RNF213: variants seen among roughly 807,000 people sequenced by gnomAD.
The protein encoded by RNF213 is E3 ubiquitin-protein ligase RNF213.
In RNF213, 341 loss-of-function variants were observed where a neutral mutation model predicts 514.4. That is an observed-to-expected ratio of 0.66 (90% CI 0.61 to 0.73). RNF213 has a LOEUF of 0.73. Ranked by LOEUF, RNF213 falls within the 30% of genes least tolerant of loss-of-function variation. The pLI is 0.00. For synonymous variants in RNF213, 2,655 were observed against 2,658.2 expected (o/e 1.00, Z 0.04); for missense variants, 5,767 against 6,615.6 (o/e 0.87, Z 4.45).
At chr17:80,295,324 C>T (rs757833785) in intron 9 of RNF213, among the ~76,000 whole-genome samples, 5 of 152,164 alleles carry the variant, frequency 3.3e-5, no homozygotes, top group African/African-American at 7.2e-5. Flanking sequence ...GGTTTCAGGC[C>T]GGCCTGGAGC....
At chr17:80,275,670 A>AT (rs989876767) in intron 3 of RNF213, among the ~76,000 whole-genome samples, 63 of 150,692 alleles carry the variant, frequency 4.2e-4, no homozygotes, top group Admixed American at 2.1e-3. Context: ...ATTTTATTTT[A>AT]TTTTTTTTTG....
At chr17:80,307,362 G>GTT (rs58826434) in intron 13 of RNF213, among the ~76,000 whole-genome samples, 161 bp downstream of exon 13, 10,151 of 113,596 alleles carry the variant, frequency 0.089, 936 homozygotes, top group East Asian at 0.21. Flanking sequence ...ATTGTCGTCT[G>GTT]TTTTTTTTTT....
rs57381377 is a variant in RNF213, at chr17:80,334,616, GTT to G, written c.4309+357_4309+358del. Among the ~76,000 whole-genome samples, 978 of 147,746 alleles carry G rather than the reference GTT, an allele frequency of 6.6e-3. 17 individuals are homozygous for G. The highest frequency in any genetic ancestry group is 0.022 in the African/African-American group (905 of 40,258). ...AAGGAGAGTTCCTGCCCACAGAGAG[GTT>G]TTTTTTTTTTGTTTGTTTGTTTTTT... On this transcript the variant is annotated intron_variant, in intron 22 of 67. Transcript: ENST00000582970.
chr17:80,340,681 C>T lies in RNF213; in HGVS notation c.5989+325C>T, dbSNP rs145246688. On this transcript the variant is annotated intron_variant, in intron 26 of 67. Transcript: ENST00000582970. The stretch of plus-strand genomic sequence containing the variant: ...TGTCACCCAGGCTGGAGTACAGTGG[C>T]GTGATCTTAGCTCACTGCAACCTCC... 1,054 of 251,400 alleles carry T rather than the reference C, an allele frequency of 4.2e-3. 19 individuals carry two copies. Among genetic ancestry groups the T allele is most frequent in the African/African-American group, 0.027 (974 of 35,978 alleles). 15.6% of individuals were successfully genotyped at this position (251,400 alleles called of 1,614,324 possible). A position where few individuals can be genotyped will look rare whatever the true frequency, so the allele number is the denominator to read the frequency against.
chr17:80,379,807 A>C, intron 55 of RNF213, 93 bp downstream of exon 55: 1 of 1,012,736 alleles, frequency 9.9e-7, no homozygotes, highest in South Asian at 1.3e-5. Flanking sequence ...TCAAGATAGT[A>C]CTAATTACTC....
In RNF213 at chr17:80,376,334, T is replaced by C; in HGVS notation, c.13219T>C (p.Cys4407Arg). The part of the protein sequence containing the change: ...CEAVSKFIGE[C>R]KILSPPDISR... ...AGCTGTGAGCAAATTCATTGGCGAATGCAAGATCCTTTCACCTCCTGATAT... is the reference window on the plus strand; with the variant it reads ...AGCTGTGAGCAAATTCATTGGCGAACGCAAGATCCTTTCACCTCCTGATAT... Residue 4407 changes from cysteine (C) to arginine (R), a missense_variant, in exon 52 of 68, where the codon TGC becomes CGC. By Grantham distance (180) the Cys-to-Arg change is radical. Transcript: ENST00000582970. 1.2e-6 allele frequency: 2 copies of C among 1,614,252 alleles called. No homozygotes were observed. Among genetic ancestry groups the C allele is most frequent in the East Asian group, 2.2e-5 (1 of 44,892 alleles).
intron 6 of RNF213, among the ~76,000 whole-genome samples, 187 bp from the exon 7 acceptor site, chr17:80,290,357 ATGTGTGCGTGTGTGAGTGCGTGCACG>A (rs1262605975): frequency 7.4e-6 from 1 of 134,698 alleles, no homozygotes; most frequent in Non-Finnish European, 1.6e-5. Flanking sequence ...GTGTGCATGT[ATGTGTGCGTGTGTGAGTGCGTGCACG>A]TGTGTGCGTG....
At chr17:80,384,885 T>A (rs1599204487) in intron 59 of RNF213, 154 bp from the exon 60 acceptor site, 1 of 815,788 alleles carries the variant, frequency 1.2e-6, no homozygotes, top group African/African-American at 1.7e-5. Context: ...GGAAGAACTT[T>A]TCCCGTTTTC....
chr17:80,386,877 C>T lies in RNF213; in HGVS notation c.14908C>T (p.Arg4970Trp), dbSNP rs771294043. ...IVSRFLQGKPRLSLKGIPTLV... is the reference protein window; with the variant it reads ...IVSRFLQGKPWLSLKGIPTLV... ...CAGCCGCTTCCTCCAGGGCAAGCCC[C>T]GGCTGAGCCTCAAGGTAGGGCTGAC... is the stretch of plus-strand genomic sequence containing the variant. The change falls in exon 63 of 68, where the codon CGG (arginine) becomes TGG (tryptophan). Residue 4970 changes from arginine to tryptophan, a missense_variant. Around this residue, in one of 13 missense-constraint regions of RNF213, gnomAD observed 1,245 missense variants for 1,339.0 expected, o/e 0.93. Coordinates refer to ENST00000582970, the MANE Select transcript of RNF213 (RefSeq NM_001256071.3). 8.9e-5 allele frequency: 143 copies of T among 1,612,522 alleles called. No individual in the cohort carries two copies. Among genetic ancestry groups the T allele is most frequent in the Non-Finnish European group, 1.1e-4 (132 of 1,179,664 alleles).
At chr17:80,369,330 G>A (rs993052051) in intron 44 of RNF213, among the ~76,000 whole-genome samples, 172 bp from the exon 45 acceptor site, 1 of 151,930 alleles carries the variant, frequency 6.6e-6, no homozygotes, top group Non-Finnish European at 1.5e-5. Flanking sequence ...CCTGGGAGGT[G>A]GAGGTTGCAG....
chr17:80,390,230 C>T, intron 67 of RNF213, 34 bp downstream of exon 67: 5 of 1,602,240 alleles, frequency 3.1e-6, no homozygotes, highest in Non-Finnish European at 4.3e-6. Flanking sequence ...GCGGGGCAGA[C>T]ACAATGTTGT....
chr17:80,295,495 C>G (rs1177151208), intron 9 of RNF213, 62 bp from the exon 10 acceptor site: 4 of 1,606,302 alleles, frequency 2.5e-6, no homozygotes, highest in African/African-American at 1.3e-5. Context: ...TGGGGCAGCT[C>G]TGGACACTGC....
In RNF213 at chr17:80,346,756, C is replaced by T. The variant is rs1413496345; in HGVS notation, c.8421C>T (p.Phe2807=). ...RSLKQVHLVS[F]QCSPHSTPQG... Reference sequence around the variant, plus strand: ...TGAAGCAGGTCCACCTGGTGTCCTTCCAGTGCAGCCCGCACTCCACCCCAC... The same window carrying T: ...TGAAGCAGGTCCACCTGGTGTCCTTTCAGTGCAGCCCGCACTCCACCCCAC... Residue 2807 remains phenylalanine, a synonymous_variant, in exon 29 of 68, where the codon TTC becomes TTT. Transcript: ENST00000582970. This position sits in a 1 kb window ranked among gnomAD's most constrained non-coding sequence, Gnocchi z 8.1. 11 of 1,613,282 alleles carry T rather than the reference C, an allele frequency of 6.8e-6. No homozygotes were observed. The highest frequency in any genetic ancestry group is 8.5e-6 in the Non-Finnish European group (10 of 1,179,952).
Position 80,346,858 on chromosome 17 carries a change from G to T in RNF213, c.8523G>T (p.Val2841=). ...ACCTGCAGCAGTACGTCTCTGTGGT[G>T]GTGTTAGATGAGGTGGGGCTGGCGG... ...GKDLQQYVSV[V]VLDEVGLAED... The change falls in exon 29 of 68, where the codon GTG becomes GTT. Residue 2841 remains valine, a synonymous_variant. Coordinates refer to ENST00000582970, the MANE Select transcript of RNF213 (RefSeq NM_001256071.3). The surrounding 1 kb of genome is among the most constrained non-coding windows in gnomAD (Gnocchi z 8.1). 6.2e-7 allele frequency: 1 copy of T among 1,614,112 alleles called. No homozygotes were observed. Among genetic ancestry groups the T allele is most frequent in the Non-Finnish European group, 8.5e-7 (1 of 1,179,988 alleles).
chr17:80,388,460 G>A (rs2080328464), intron 63 of RNF213, 152 bp from the exon 64 acceptor site: 2 of 701,582 alleles, frequency 2.9e-6, no homozygotes, highest in African/African-American at 1.7e-5. Flanking sequence ...TAGATGGTGG[G>A]TTAATGACGG....
At chr17:80,303,372 A>G (rs1348937212) in intron 11 of RNF213, among the ~76,000 whole-genome samples, 1 of 152,174 alleles carries the variant, frequency 6.6e-6, no homozygotes, top group Non-Finnish European at 1.5e-5. Context: ...GAGAACTGAA[A>G]GAGACGCCCC....
chr17:80,332,184 C>A lies in RNF213; in HGVS notation c.3696C>A (p.Ile1232=). ...GKIDLLRDSH[I]FQLFWREAAE... is the part of the protein sequence containing the mutation. Reference sequence around the variant, plus strand: ...TAGACTTGCTCAGAGACAGCCACATCTTCCAGCTCTTCTGGCGGGAAGCCG... The same window carrying A: ...TAGACTTGCTCAGAGACAGCCACATATTCCAGCTCTTCTGGCGGGAAGCCG... The change falls in exon 21 of 68, where the codon ATC becomes ATA. Residue 1232 remains isoleucine (I), a synonymous_variant. Coordinates refer to ENST00000582970, the MANE Select transcript of RNF213 (RefSeq NM_001256071.3). 6.5e-7 allele frequency: 1 copy of A among 1,537,196 alleles called. No individual in the cohort carries two copies. The highest frequency in any genetic ancestry group is 8.7e-7 in the Non-Finnish European group (1 of 1,146,914).
At chr17:80,333,181 T>C (rs1313397505) in intron 21 of RNF213, among the ~76,000 whole-genome samples, 1 of 151,034 alleles carries the variant, frequency 6.6e-6, no homozygotes, top group Non-Finnish European at 1.5e-5. Context: ...CCCAAGTAGC[T>C]GGGACCACAG....
In RNF213 at chr17:80,306,258, C is replaced by G; in HGVS notation, c.2217C>G (p.Ser739=). The change falls in exon 12 of 68, where the codon TCC becomes TCG. Residue 739 remains serine (S), a synonymous_variant. Coordinates refer to ENST00000582970, the MANE Select transcript of RNF213 (RefSeq NM_001256071.3). ...PFREQMLDTS[S]LLQFMREKQH... ...CCCTATTTCTCTTATGCAGGAGTTC[C>G]CTACTTCAGTTTATGAGAGAGAAGC... The G allele has an allele frequency of 6.2e-7, 1 of 1,614,110 alleles. No individual in the cohort carries two copies. The highest frequency in any genetic ancestry group is 8.5e-7 in the Non-Finnish European group (1 of 1,180,008).
Sources: gnomAD v4.1 joint callset for allele counts (sites outside exome capture counted in the v4.1 genomes callset) on GRCh38, gnomAD v4.1.1 for gene constraint, gnomAD v4.1.1 regional missense constraint, Gnocchi (gnomAD v3.1) non-coding constraint, MANE v1.5 for transcripts, NCBI Gene and HGNC (gene_info 2026-07-23, HGNC 2026-07-21) for gene names.